The following SLC23A2 variants were observed in gnomAD, a reference collection of about 807,000 sequenced individuals.
SLC23A2 encodes solute carrier family 23 member 2, also known as Na(+)/L-ascorbic acid transporter 2.
SLC23A2 carries 36 observed loss-of-function variants against 73.3 expected under a neutral mutation model. The observed-to-expected ratio is 0.49, with a 90% confidence interval of 0.38 to 0.65. SLC23A2 has a LOEUF of 0.65. SLC23A2 is among the 30% of genes least tolerant of loss of function. The probability of loss-of-function intolerance (pLI) is 0.00; values close to 1 mark genes in which losing one functional copy is unlikely to be tolerated. For synonymous variants in SLC23A2, 343 were observed against 327.3 expected (o/e 1.05, Z -0.52); for missense variants, 507 against 841.6 (o/e 0.60, Z 4.92).
chr20:4,965,026 T>C (rs1461616124), intron 2 of SLC23A2, among the ~76,000 whole-genome samples: 17 of 152,134 alleles, frequency 1.1e-4, no homozygotes. Flanking sequence ...ACTTTCATAA[T>C]TCTTAAAAGC....
At chr20:4,949,264 G>A (rs1262385577) in intron 2 of SLC23A2, among the ~76,000 whole-genome samples, 1 of 149,580 alleles carries the variant, frequency 6.7e-6, no homozygotes, top group Non-Finnish European at 1.5e-5. Context: ...CTCCAGCCTG[G>A]GTGACAGAGC....
In SLC23A2 at chr20:4,959,118, C is replaced by T. The variant is rs202107220; in HGVS notation, c.-155+11675G>A. On this transcript the variant is annotated intron_variant, in intron 2 of 16. Coordinates refer to ENST00000338244, the MANE Select transcript of SLC23A2 (RefSeq NM_005116.6). The stretch of plus-strand genomic sequence containing the variant: ...CCTGTAATCCCAGCTACTCAGGAGG[C>T]TGAGGCAGGAGAATCACTTGAACCC... Among the ~76,000 whole-genome samples the T allele has an allele frequency of 2.6e-4, 40 of 151,772 alleles. No homozygotes were observed. In the East Asian group the frequency reaches 6.4e-3, roughly 24 times the overall value.
At chr20:4,940,373 G>T (rs1265997777) in intron 2 of SLC23A2, among the ~76,000 whole-genome samples, 1 of 151,928 alleles carries the variant, frequency 6.6e-6, no homozygotes, top group Non-Finnish European at 1.5e-5. Flanking sequence ...AATAGGAGGA[G>T]TGTGGTCAGT....
chr20:4,861,208 G>C (rs190990210), intron 15 of SLC23A2, among the ~76,000 whole-genome samples: 133 of 152,322 alleles, frequency 8.7e-4, no homozygotes, highest in African/African-American at 3.1e-3. Context: ...GGCTGCCAGC[G>C]GGTGGGAGCA....
intron 4 of SLC23A2, among the ~76,000 whole-genome samples, chr20:4,903,745 G>T (rs762683391): frequency 3.3e-5 from 5 of 152,100 alleles, no homozygotes; most frequent in African/African-American, 4.8e-5. Context: ...TTTCTCTTCC[G>T]TCCTAACAAG....
Position 4,932,539 on chromosome 20 carries a change from G to C in SLC23A2, c.24C>G (p.Thr8=). Residue 8 remains threonine, a synonymous_variant, in exon 3 of 17, where the codon ACC becomes ACG. Transcript: ENST00000338244. MMGIGKN[T]TSKSMEAGSS... is the part of the protein sequence containing the mutation. The stretch of plus-strand genomic sequence containing the variant: ...TTCCAGCCTCCATTGATTTGGATGT[G>C]GTATTCTTACCAATACCCATCATTA... The C allele has an allele frequency of 1.2e-6, 2 of 1,601,834 alleles. No homozygotes were observed. Among genetic ancestry groups the C allele is most frequent in the South Asian group, 1.1e-5 (1 of 90,860 alleles).
chr20:4,895,580 C>A (rs1263108971), intron 6 of SLC23A2, among the ~76,000 whole-genome samples: 1 of 152,148 alleles, frequency 6.6e-6, no homozygotes, highest in Non-Finnish European at 1.5e-5. Flanking sequence ...CCCAGGACAC[C>A]TGAGGGAGAA....
At position 4,854,068 on chromosome 20, in the gene SLC23A2, G is replaced by T. The variant is rs1929624912; in HGVS notation, c.*2904C>A. ...GCTTTCTTTCAGGGACCAGGCAGGT[G>T]ACCTGGGAAGGTGGTGGGTAGGTGG... On this transcript the variant is annotated 3_prime_UTR_variant, in exon 17 of 17. Coordinates refer to ENST00000338244, the MANE Select transcript of SLC23A2 (RefSeq NM_005116.6). 6.6e-6 allele frequency: 1 copy of T among 152,226 alleles called. No individual in the cohort carries two copies. Among genetic ancestry groups the T allele is most frequent in the Non-Finnish European group, 1.5e-5 (1 of 68,046 alleles). 9.4% of individuals were successfully genotyped at this position (152,226 alleles called of 1,614,324 possible).
intron 3 of SLC23A2, among the ~76,000 whole-genome samples, chr20:4,914,478 G>GT (rs1421963469): frequency 6.6e-6 from 1 of 152,080 alleles, no homozygotes; most frequent in Non-Finnish European, 1.5e-5. Flanking sequence ...TTACTCTCCT[G>GT]TGTTCTTGGA....
intron 2 of SLC23A2, among the ~76,000 whole-genome samples, chr20:4,951,319 A>C (rs1304593154): frequency 1.3e-5 from 2 of 152,224 alleles, no homozygotes; most frequent in Non-Finnish European, 2.9e-5. Flanking sequence ...ATGAAGAACC[A>C]GCACTAACTC....
intron 4 of SLC23A2, among the ~76,000 whole-genome samples, chr20:4,905,113 C>CAAAAAAA (rs56708379): frequency 1.0e-5 from 1 of 96,786 alleles, no homozygotes; most frequent in Non-Finnish European, 2.0e-5. Flanking sequence ...GATTCTGTCA[C>CAAAAAAA]AAAAAAAAAA....
intron 2 of SLC23A2, among the ~76,000 whole-genome samples, chr20:4,957,291 T>C (rs1716581127): frequency 6.6e-6 from 1 of 151,894 alleles, no homozygotes; most frequent in Non-Finnish European, 1.5e-5. Flanking sequence ...CTCCCATCTG[T>C]ACAAAAAAAT....
rs1046406876 is a variant in SLC23A2, at chr20:4,853,862, T to C, written c.*3110A>G. ...CTCTTGAGGATTCTGAAAGTAAATG[T>C]ATCTGTGAATCTACATTTAACTTCC... On this transcript the variant is annotated 3_prime_UTR_variant, in exon 17 of 17. Transcript: ENST00000338244. 2 of 152,228 alleles carry C rather than the reference T, an allele frequency of 1.3e-5. No individual in the cohort carries two copies. The highest frequency in any genetic ancestry group is 2.9e-5 in the Non-Finnish European group (2 of 68,032). The allele number at this position is 152,228 out of a possible 1,614,324, so 9.4% of individuals were successfully genotyped here.
chr20:4,942,987 G>A (rs2087065793), intron 2 of SLC23A2, among the ~76,000 whole-genome samples: 1 of 152,000 alleles, frequency 6.6e-6, no homozygotes, highest in South Asian at 2.1e-4. Context: ...GCCTAGTTGG[G>A]AAGATTGCTT....
intron 9 of SLC23A2, among the ~76,000 whole-genome samples, chr20:4,875,963 G>A (rs779159402): frequency 1.4e-4 from 21 of 152,150 alleles, no homozygotes; most frequent in African/African-American, 4.3e-4. Flanking sequence ...ATGGCAGCCC[G>A]GCTGGAGAAC....
intron 3 of SLC23A2, among the ~76,000 whole-genome samples, chr20:4,918,899 C>T (rs1447206210): frequency 1.3e-5 from 2 of 152,150 alleles, no homozygotes; most frequent in African/African-American, 2.4e-5. Context: ...AAAGGTAACA[C>T]ACAGTTATTA....
intron 2 of SLC23A2, among the ~76,000 whole-genome samples, chr20:4,944,231 A>G (rs2087083697): frequency 6.6e-6 from 1 of 152,120 alleles, no homozygotes; most frequent in Non-Finnish European, 1.5e-5. Context: ...GGGCTTGGGA[A>G]CCTGTATTTT....
intron 10 of SLC23A2, 47 bp downstream of exon 10, chr20:4,874,529 T>C (rs1207951234): frequency 6.4e-7 from 1 of 1,558,800 alleles, no homozygotes; most frequent in African/African-American, 1.4e-5. Context: ...ATCTTACATA[T>C]TAACCAAGGG....
chr20:4,963,995 T>C (rs2087433867), intron 2 of SLC23A2, among the ~76,000 whole-genome samples: 1 of 147,468 alleles, frequency 6.8e-6, no homozygotes, highest in Non-Finnish European at 1.5e-5. Flanking sequence ...GTGGGAGTAA[T>C]AATTGCCATT....
Sources: gnomAD v4.1 joint callset for allele counts (sites outside exome capture counted in the v4.1 genomes callset) on GRCh38, gnomAD v4.1.1 for gene constraint, MANE v1.5 for transcripts, NCBI Gene and HGNC (gene_info 2026-07-23, HGNC 2026-07-21) for gene names.